Variants in RHOQ observed in about 807,000 individuals in gnomAD.
RHOQ encodes the protein ras homolog family member Q, also known as rho-related GTP-binding protein RhoQ.
A neutral mutation model predicts 25.8 loss-of-function variants in RHOQ; 7 were observed. The observed-to-expected ratio is 0.27, with a 90% CI of 0.15 to 0.51. The LOEUF (loss-of-function observed/expected upper bound fraction) is 0.51, where lower values mean the gene tolerates loss of function less well. RHOQ is among the 20% of genes least tolerant of loss of function. The pLI is 0.97. For missense variants in RHOQ, 165 were observed against 260.6 expected (o/e 0.63, Z 2.53); for synonymous variants, 97 against 98.6 (o/e 0.98, Z 0.10).
intron 4 of RHOQ, chr2:46,577,045 T>G (rs1303649202): frequency 6.3e-6 from 1 of 159,654 alleles, no homozygotes; most frequent in Non-Finnish European, 1.4e-5. Context: ...CTTAAACAGT[T>G]GCACTGTGCC....
rs1668748099 is a variant in RHOQ at position 46,566,788 on chromosome 2, G to A, written c.202-9299G>A. Among the ~76,000 whole-genome samples the A allele has an allele frequency of 6.6e-6, 1 of 152,100 alleles. No homozygotes were observed. The highest frequency in any genetic ancestry group is 2.1e-4 in the South Asian group (1 of 4,832). On this transcript the variant is annotated intron_variant, in intron 2 of 4. Coordinates refer to ENST00000238738, the MANE Select transcript of RHOQ (RefSeq NM_012249.4). This position sits in a 1 kb window ranked among gnomAD's most constrained non-coding sequence, Gnocchi z 4.2. The stretch of plus-strand genomic sequence containing the variant: ...GGACGTTTGCATACATTGTCTTGTT[G>A]TCTGTCTCCTTAAGCGGTCCCTCAG...
rs1368619210 is a variant in RHOQ, at chr2:46,583,543, T to C, written c.*2460T>C. ...ACCTTGATGGGTTTGGAGTTCCCCA[T>C]TGCTTATCAAGAGCTTTTTAATTGC... is the stretch of plus-strand genomic sequence containing the variant. On this transcript the variant is annotated 3_prime_UTR_variant, in exon 5 of 5. Coordinates refer to ENST00000238738, the MANE Select transcript of RHOQ (RefSeq NM_012249.4). Among the ~76,000 whole-genome samples, 1 of 152,206 alleles carries C rather than the reference T, an allele frequency of 6.6e-6. No individual in the cohort carries two copies. The highest frequency in any genetic ancestry group is 6.5e-5 in the Admixed American group (1 of 15,280).
In RHOQ at chr2:46,543,187, A is replaced by T. The variant is rs759481039; in HGVS notation, c.141A>T (p.Ala47=). The T allele has an allele frequency of 6.2e-7, 1 of 1,611,740 alleles. No homozygotes were observed. The highest frequency in any genetic ancestry group is 1.1e-5 in the South Asian group (1 of 91,006). ...EYVPTVFDHY[A]VSVTVGGKQY... is the part of the protein sequence containing the mutation. Reference sequence around the variant, plus strand: ...TGCCCACCGTCTTCGACCACTACGCAGGTAAGCCTCGGAACTGCTGACTAA... The same window carrying T: ...TGCCCACCGTCTTCGACCACTACGCTGGTAAGCCTCGGAACTGCTGACTAA... The change falls in exon 1 of 5, where the codon GCA becomes GCT. Residue 47 remains alanine (A), a splice_region_variant and synonymous_variant. Coordinates refer to ENST00000238738, the MANE Select transcript of RHOQ (RefSeq NM_012249.4).
intron 2 of RHOQ, among the ~76,000 whole-genome samples, chr2:46,572,117 T>G (rs1391705822): frequency 2.9e-4 from 39 of 135,762 alleles, no homozygotes; most frequent in African/African-American, 9.4e-4. Flanking sequence ...GTTTTTTTTT[T>G]TTTTTTTTTT....
In RHOQ at chr2:46,572,119, T is replaced by G. The variant is rs1372042820; in HGVS notation, c.202-3968T>G. Among the ~76,000 whole-genome samples the G allele has an allele frequency of 5.8e-5, 8 of 137,212 alleles. No individual in the cohort carries two copies. In the South Asian group the frequency reaches 7.2e-4, roughly 12 times the overall value. 90.0% of individuals were successfully genotyped at this position (137,212 alleles called of 152,430 possible). On this transcript the variant is annotated intron_variant, in intron 2 of 4. Transcript: ENST00000238738. ...GTGGTAAGTGTGTGTTTTTTTTTTT[T>G]TTTTTTTTTTTTTTTGAGACAGGGT...
At chr2:46,568,286 TAGAAAC>T (rs1305276282) in intron 2 of RHOQ, 4 of 152,092 alleles carry the variant, frequency 2.6e-5, no homozygotes, top group African/African-American at 4.8e-5. Context: ...AATAGAGACT[TAGAAAC>T]AGAAACGATG....
chr2:46,554,236 G>A (rs1478557373), intron 2 of RHOQ, among the ~76,000 whole-genome samples: 1 of 151,892 alleles, frequency 6.6e-6, no homozygotes, highest in Non-Finnish European at 1.5e-5. Flanking sequence ...TTACTGGAAT[G>A]AATTGAATGA....
rs754094245 is a variant in RHOQ at position 46,576,704 on chromosome 2, G to C, written c.462+48G>C. 1 of 1,249,240 alleles carries C rather than the reference G, an allele frequency of 8.0e-7. No homozygotes were observed. Among genetic ancestry groups the C allele is most frequent in the Non-Finnish European group, 1.2e-6 (1 of 866,516 alleles). 77.4% of individuals were successfully genotyped at this position (1,249,240 alleles called of 1,614,324 possible). A position where few individuals can be genotyped will look rare whatever the true frequency, so the allele number is the denominator to read the frequency against. The stretch of plus-strand genomic sequence containing the variant: ...TAAGCATGAATGTAAAAGATGCTAA[G>C]ATAACAATAGAAGCTAATTTTATTG... On this transcript the variant is annotated intron_variant, in intron 4 of 4. Coordinates refer to ENST00000238738, the MANE Select transcript of RHOQ (RefSeq NM_012249.4). This position sits in a 1 kb window ranked among gnomAD's most constrained non-coding sequence, Gnocchi z 5.1.
At chr2:46,572,681 C>T (rs1345155993) in intron 2 of RHOQ, 3 of 432,362 alleles carry the variant, frequency 6.9e-6, no homozygotes, top group African/African-American at 6.2e-5. Flanking sequence ...TGTTTAAATA[C>T]CTACATTTTA....
rs1056460861 is a variant in RHOQ at position 46,576,468 on chromosome 2, T to C, written c.367-93T>C. 2 of 920,494 alleles carry C rather than the reference T, an allele frequency of 2.2e-6. No individual in the cohort carries two copies. Among genetic ancestry groups the C allele is most frequent in the South Asian group, 3.5e-5 (2 of 57,068 alleles). The allele number at this position is 920,494 out of a possible 1,614,324, so 57.0% of individuals were successfully genotyped here. On this transcript the variant is annotated intron_variant, in intron 3 of 4. Coordinates refer to ENST00000238738, the MANE Select transcript of RHOQ (RefSeq NM_012249.4). The surrounding 1 kb of genome is among the most constrained non-coding windows in gnomAD (Gnocchi z 5.1). ...AATTAAGTTCTTTTGTTTAATCTTTTTTTGGTATGTGGGAATTAAGTGGGA... is the reference window on the plus strand; with the variant it reads ...AATTAAGTTCTTTTGTTTAATCTTTCTTTGGTATGTGGGAATTAAGTGGGA...
intron 2 of RHOQ, among the ~76,000 whole-genome samples, chr2:46,560,057 A>C (rs1367892136): frequency 6.6e-6 from 1 of 152,178 alleles, no homozygotes; most frequent in Non-Finnish European, 1.5e-5. Flanking sequence ...AAAAGGTATT[A>C]AAAAGCAAAC....
intron 2 of RHOQ, among the ~76,000 whole-genome samples, chr2:46,565,805 C>T (rs759851247): frequency 2.0e-5 from 3 of 152,232 alleles, no homozygotes; most frequent in Non-Finnish European, 4.4e-5. Context: ...CAATAGTCCC[C>T]TGCCCTCAGG....
At chr2:46,559,994 TATC>T (rs1230862746) in intron 2 of RHOQ, among the ~76,000 whole-genome samples, 3 of 152,202 alleles carry the variant, frequency 2.0e-5, no homozygotes, top group Non-Finnish European at 1.5e-5. Context: ...AGAGAATAAG[TATC>T]ATCTGCCTTT....
chr2:46,581,555 C>T lies in RHOQ; in HGVS notation c.*472C>T. ...GAAATAACAAGGCCAGCCACGTAGCCAAAGGTCGCTCCAAGCGTACAGGAG... is the reference window on the plus strand; with the variant it reads ...GAAATAACAAGGCCAGCCACGTAGCTAAAGGTCGCTCCAAGCGTACAGGAG... On this transcript the variant is annotated 3_prime_UTR_variant, in exon 5 of 5. Coordinates refer to ENST00000238738, the MANE Select transcript of RHOQ (RefSeq NM_012249.4). The T allele has an allele frequency of 6.2e-7, 1 of 1,611,440 alleles. No homozygotes were observed. Among genetic ancestry groups the T allele is most frequent in the South Asian group, 1.1e-5 (1 of 90,952 alleles).
In RHOQ at chr2:46,556,332, C is replaced by T. The variant is rs1002900182; in HGVS notation, c.201+12520C>T. 2.6e-5 allele frequency among the ~76,000 whole-genome samples: 4 copies of T among 152,092 alleles called. No homozygotes were observed. The highest frequency in any genetic ancestry group is 2.9e-5 in the Non-Finnish European group (2 of 68,026). ...TTGTTCTTCCATGGCCATTCTTTCC[C>T]GGGCTCTGGGGACTATTTTCAGGGT... On this transcript the variant is annotated intron_variant, in intron 2 of 4. Transcript: ENST00000238738. The surrounding 1 kb of genome is among the most constrained non-coding windows in gnomAD (Gnocchi z 4.9).
chr2:46,576,768 T>C lies in RHOQ; in HGVS notation c.462+112T>C. ...TGCCAGGTGGAGTGCTTTACATGCATTATCTCATTTAATCCTTGCATGAAC... is the reference window on the plus strand; with the variant it reads ...TGCCAGGTGGAGTGCTTTACATGCACTATCTCATTTAATCCTTGCATGAAC... On this transcript the variant is annotated intron_variant, in intron 4 of 4. Coordinates refer to ENST00000238738, the MANE Select transcript of RHOQ (RefSeq NM_012249.4). This position sits in a 1 kb window ranked among gnomAD's most constrained non-coding sequence, Gnocchi z 5.1. The C allele has an allele frequency of 1.5e-6, 1 of 672,948 alleles. No homozygotes were observed. Among genetic ancestry groups the C allele is most frequent in the Admixed American group, 3.1e-5 (1 of 32,712 alleles). The allele number at this position is 672,948 out of a possible 1,614,324, so 41.7% of individuals were successfully genotyped here. A position where few individuals can be genotyped will look rare whatever the true frequency, so the allele number is the denominator to read the frequency against.
chr2:46,560,822 T>G, intron 2 of RHOQ: 1 of 196,216 alleles, frequency 5.1e-6, no homozygotes. Flanking sequence ...GGTTATAGCT[T>G]TCTTTAGTTA....
chr2:46,547,598 G>A (rs1379561597), intron 2 of RHOQ, among the ~76,000 whole-genome samples: 1 of 152,242 alleles, frequency 6.6e-6, no homozygotes, highest in East Asian at 1.9e-4. Flanking sequence ...GTCACATTTT[G>A]ACTGCCAAGC....
In RHOQ at chr2:46,581,865, T is replaced by G; in HGVS notation, c.*782T>G. On this transcript the variant is annotated 3_prime_UTR_variant, in exon 5 of 5. Transcript: ENST00000238738. The stretch of plus-strand genomic sequence containing the variant: ...CACATGCTAAAATTACAAATTAAAA[T>G]TTTGGGTCAGACTTTGCCATAATGA... 6.8e-6 allele frequency: 2 copies of G among 295,474 alleles called. No homozygotes were observed. The highest frequency in any genetic ancestry group is 1.2e-5 in the Non-Finnish European group (2 of 160,728). 18.3% of individuals were successfully genotyped at this position (295,474 alleles called of 1,614,324 possible).
Sources: gnomAD v4.1 joint callset for allele counts (sites outside exome capture counted in the v4.1 genomes callset) on GRCh38, gnomAD v4.1.1 for gene constraint, Gnocchi (gnomAD v3.1) non-coding constraint, MANE v1.5 for transcripts, NCBI Gene and HGNC (gene_info 2026-07-23, HGNC 2026-07-21) for gene names.